SMIM13: variants seen among roughly 807,000 people sequenced by gnomAD.
The protein encoded by SMIM13 is UPF0766 protein C6orf228.
SMIM13 carries 3 observed loss-of-function variants against 5.9 expected under a neutral mutation model. The observed-to-expected ratio is 0.51, with a 90% confidence interval of 0.23 to 1.31. SMIM13 has a LOEUF of 1.31. Ranked by LOEUF, SMIM13 falls within the 40% of genes most tolerant of loss-of-function variation. The pLI is 0.18. For synonymous variants in SMIM13, 55 were observed against 46.0 expected (o/e 1.19, Z -0.79); for missense variants, 85 against 109.9 (o/e 0.77, Z 1.01).
intron 1 of SMIM13, among the ~76,000 whole-genome samples, chr6:11,112,641 C>T (rs1758185225): frequency 6.6e-6 from 1 of 152,180 alleles, no homozygotes; most frequent in Admixed American, 6.5e-5. Flanking sequence ...TTTCTGCTAG[C>T]ATAATGCTTT....
chr6:11,106,384 G>A (rs754449597), intron 1 of SMIM13, among the ~76,000 whole-genome samples: 4 of 152,208 alleles, frequency 2.6e-5, no homozygotes, highest in Non-Finnish European at 5.9e-5. Context: ...GGGCTTCCCC[G>A]TCTGGGGATT....
chr6:11,116,247 G>T (rs1230083129), intron 1 of SMIM13, among the ~76,000 whole-genome samples: 4 of 151,990 alleles, frequency 2.6e-5, no homozygotes, highest in Non-Finnish European at 4.4e-5. Context: ...TCAAACTCTG[G>T]GCCTCAGGTG....
chr6:11,135,998 A>ATT lies in SMIM13; in HGVS notation c.*1397_*1398insTT, dbSNP rs1758513449. ...TGACTCTTACAATGTTAAACTTGTA[A>ATT]TCCTGTGTGAAACACATGTTTTTGG... is the stretch of plus-strand genomic sequence containing the variant. On this transcript the variant is annotated 3_prime_UTR_variant, in exon 2 of 2. Transcript: ENST00000416247. 6.6e-6 allele frequency: 1 copy of ATT among 152,180 alleles called. No homozygotes were observed. Among genetic ancestry groups the ATT allele is most frequent in the African/African-American group, 2.4e-5 (1 of 41,446 alleles). The allele number at this position is 152,180 out of a possible 1,614,324, so 9.4% of individuals were successfully genotyped here.
chr6:11,098,219 G>A (rs1435260548), intron 1 of SMIM13, among the ~76,000 whole-genome samples: 1 of 152,134 alleles, frequency 6.6e-6, no homozygotes, highest in Non-Finnish European at 1.5e-5. Flanking sequence ...TTTCCCTTCT[G>A]TCTACATTGG....
intron 1 of SMIM13, chr6:11,103,732 C>T (rs1377833499): frequency 6.4e-7 from 1 of 1,551,626 alleles, no homozygotes; most frequent in Non-Finnish European, 8.7e-7. Flanking sequence ...GGATGGCGTC[C>T]TGCACTGAGA....
rs1002307202 is a variant in SMIM13, at chr6:11,135,423, A to T, written c.*821A>T. The T allele has an allele frequency of 6.6e-6, 1 of 152,618 alleles. No homozygotes were observed. Among genetic ancestry groups the T allele is most frequent in the Admixed American group, 6.5e-5 (1 of 15,284 alleles). The allele number at this position is 152,618 out of a possible 1,614,324, so 9.5% of individuals were successfully genotyped here. On this transcript the variant is annotated 3_prime_UTR_variant, in exon 2 of 2. Transcript: ENST00000416247. ...AGGCAGGAGAAGTTGCCAAAACCCT[A>T]GGAATTGATGAAACAAAATTCAAAG... is the stretch of plus-strand genomic sequence containing the variant.
intron 1 of SMIM13, among the ~76,000 whole-genome samples, chr6:11,124,061 G>A (rs961249500): frequency 1.3e-5 from 2 of 151,996 alleles, no homozygotes; most frequent in Non-Finnish European, 2.9e-5. Context: ...ATTGTTGACT[G>A]TAATCACCCT....
At chr6:11,104,890 G>A in intron 1 of SMIM13, 1 of 1,614,214 alleles carries the variant, frequency 6.2e-7, no homozygotes, top group South Asian at 1.1e-5. Flanking sequence ...ACTGTACTTG[G>A]AAGAGTGCCT....
At chr6:11,109,656 A>G (rs1269747458) in intron 1 of SMIM13, among the ~76,000 whole-genome samples, 1 of 152,194 alleles carries the variant, frequency 6.6e-6, no homozygotes, top group Non-Finnish European at 1.5e-5. Context: ...TTGATGGATC[A>G]TATTTAAATT....
intron 1 of SMIM13, among the ~76,000 whole-genome samples, chr6:11,097,506 A>AT (rs1008174339): frequency 5.3e-5 from 8 of 151,622 alleles, no homozygotes; most frequent in Non-Finnish European, 1.0e-4. Context: ...AAAAAAAAAA[A>AT]GAATACCAAA....
At chr6:11,118,851 A>C (rs1758275202) in intron 1 of SMIM13, among the ~76,000 whole-genome samples, 1 of 152,236 alleles carries the variant, frequency 6.6e-6, no homozygotes, top group Non-Finnish European at 1.5e-5. Flanking sequence ...TAATTACCAC[A>C]TACCCTTTGA....
chr6:11,121,278 A>G (rs771954965), intron 1 of SMIM13, among the ~76,000 whole-genome samples: 3 of 152,176 alleles, frequency 2.0e-5, no homozygotes, highest in Non-Finnish European at 4.4e-5. Flanking sequence ...ACTAAATCCC[A>G]GGACATGGTT....
At chr6:11,121,396 A>G (rs767991118) in intron 1 of SMIM13, among the ~76,000 whole-genome samples, 5 of 152,204 alleles carry the variant, frequency 3.3e-5, no homozygotes, top group Non-Finnish European at 7.3e-5. Context: ...GTAGGCATGC[A>G]GGGTGCAATG....
intron 1 of SMIM13, among the ~76,000 whole-genome samples, chr6:11,117,165 A>ATTTTTTTTTTTTTTTTT (rs34579750): frequency 4.3e-5 from 3 of 69,012 alleles, no homozygotes; most frequent in South Asian, 8.9e-4. Flanking sequence ...TAATTTTTGT[A>ATTTTTTTTTTTTTTTTT]TTTTTTTTTT....
intron 1 of SMIM13, among the ~76,000 whole-genome samples, chr6:11,133,837 C>CT (rs1758483024): frequency 6.6e-6 from 1 of 150,718 alleles, no homozygotes; most frequent in Non-Finnish European, 1.5e-5. Context: ...CATCTTGAAT[C>CT]TAAGATATTG....
chr6:11,119,399 A>C (rs1450678980), intron 1 of SMIM13, among the ~76,000 whole-genome samples: 2 of 152,178 alleles, frequency 1.3e-5, no homozygotes, highest in Non-Finnish European at 2.9e-5. Flanking sequence ...TCACGCCTGT[A>C]ATCCCAGCAC....
In SMIM13 at chr6:11,125,424, C is replaced by T. The variant is rs376058760; in HGVS notation, c.77-8979C>T. On this transcript the variant is annotated intron_variant, in intron 1 of 1. Coordinates refer to ENST00000416247, the MANE Select transcript of SMIM13 (RefSeq NM_001135575.2). ...CAGCCTGGCCAACATGGTGAAACCC[C>T]GTCTCTACTAAAAATACAAAAATTA... Among the ~76,000 whole-genome samples, 10 of 151,856 alleles carry T rather than the reference C, an allele frequency of 6.6e-5. No homozygotes were observed. The South Asian group carries it at 1.0e-3, about 16-fold the overall frequency.
Position 11,134,414 on chromosome 6 carries a change from G to T in SMIM13, c.88G>T (p.Val30Leu), listed in dbSNP as rs1210235059. ...LLLMVCGWYF[V>L]WHLFLSKFKF... ...GTCTTTCTCTGTAGGTTGGTATTTT[G>T]TATGGCATCTTTTTTTATCAAAATT... is the stretch of plus-strand genomic sequence containing the variant. Residue 30 changes from valine (V) to leucine (L), a missense_variant, in exon 2 of 2, where the codon GTA becomes TTA. Coordinates refer to ENST00000416247, the MANE Select transcript of SMIM13 (RefSeq NM_001135575.2). 1 of 1,550,644 alleles carries T rather than the reference G, an allele frequency of 6.4e-7. No individual in the cohort carries two copies. Among genetic ancestry groups the T allele is most frequent in the Non-Finnish European group, 8.7e-7 (1 of 1,146,442 alleles).
chr6:11,124,231 A>C (rs1005648334), intron 1 of SMIM13, among the ~76,000 whole-genome samples: 2 of 152,200 alleles, frequency 1.3e-5, no homozygotes, highest in Admixed American at 1.3e-4. Flanking sequence ...AGCTCCTACA[A>C]ATAAGTGAGA....
Sources: allele counts gnomAD v4.1 joint callset (sites outside exome capture counted in the v4.1 genomes callset), GRCh38; gene constraint gnomAD v4.1.1; transcripts MANE v1.5; gene names NCBI Gene and HGNC (gene_info 2026-07-23, HGNC 2026-07-21).